Variants in RPIA observed in about 807,000 individuals in gnomAD.
RPIA encodes ribose 5-phosphate isomerase A, also known as ribose-5-phosphate isomerase.
In RPIA, 29 loss-of-function variants were observed where a neutral mutation model predicts 37.8. The observed-to-expected ratio is 0.77, with a 90% CI of 0.57 to 1.05. The LOEUF (loss-of-function observed/expected upper bound fraction) is 1.05. RPIA is among the 50% of genes least tolerant of loss of function. The pLI is 0.00. For missense variants in RPIA, 385 were observed against 413.6 expected, an observed-to-expected ratio of 0.93 and a Z score of 0.60; for synonymous variants, 167 against 157.0, an observed-to-expected ratio of 1.06 and a Z score of -0.48.
chr2:88,747,719 C>A (rs111975180), intron 8 of RPIA, among the ~76,000 whole-genome samples: 1 of 152,168 alleles, frequency 6.6e-6, no homozygotes, highest in Non-Finnish European at 1.5e-5. Context: ...AGATTAAATC[C>A]GTCTCCTGTG....
At chr2:88,699,717 A>G (rs914369532) in intron 2 of RPIA, among the ~76,000 whole-genome samples, 3 of 152,224 alleles carry the variant, frequency 2.0e-5, no homozygotes, top group African/African-American at 7.2e-5. Flanking sequence ...GTTAGGATTA[A>G]GAGTTCATAT....
At chr2:88,708,973 G>T (rs1012028022) in intron 3 of RPIA, among the ~76,000 whole-genome samples, 2 of 152,130 alleles carry the variant, frequency 1.3e-5, no homozygotes, top group Non-Finnish European at 2.9e-5. Context: ...GGCCAGGATG[G>T]TCTCCATCTC....
At chr2:88,746,893 G>A (rs995687429) in intron 8 of RPIA, among the ~76,000 whole-genome samples, 15 of 152,188 alleles carry the variant, frequency 9.9e-5, no homozygotes, top group East Asian at 3.9e-4. Context: ...GGCCTTCAGC[G>A]AGGAGGTGGT....
intron 3 of RPIA, among the ~76,000 whole-genome samples, chr2:88,724,472 A>C (rs1261199697): frequency 6.6e-6 from 1 of 151,840 alleles, no homozygotes; most frequent in Non-Finnish European, 1.5e-5. Flanking sequence ...ACACCTGGCT[A>C]ATTTTTTTGT....
rs1341177740 is a variant in RPIA at position 88,750,894 on chromosome 2, A to G, written c.*816A>G. ...GCGTCAGAAGTCCTTACCTCTTTAT[A>G]TTGTTTGCAGGTTTAAATAAAACAG... On this transcript the variant is annotated 3_prime_UTR_variant, in exon 9 of 9. Transcript: ENST00000283646. 5 of 394,828 alleles carry G rather than the reference A, an allele frequency of 1.3e-5. No individual in the cohort carries two copies. Among genetic ancestry groups the G allele is most frequent in the Non-Finnish European group, 2.2e-5 (5 of 224,324 alleles). 24.5% of individuals were successfully genotyped at this position (394,828 alleles called of 1,614,324 possible).
intron 3 of RPIA, among the ~76,000 whole-genome samples, chr2:88,702,311 C>T (rs1427692183): frequency 6.6e-6 from 1 of 152,206 alleles, no homozygotes; most frequent in East Asian, 1.9e-4. Context: ...CATTTTTCCT[C>T]CCTTTCTAAT....
intron 8 of RPIA, among the ~76,000 whole-genome samples, chr2:88,741,837 G>A (rs942936516): frequency 1.3e-5 from 2 of 152,090 alleles, no homozygotes; most frequent in African/African-American, 4.8e-5. Context: ...TTTTTCATAT[G>A]TTTGTTGGCC....
intron 3 of RPIA, among the ~76,000 whole-genome samples, chr2:88,714,527 A>G (rs1208891362): frequency 6.6e-6 from 1 of 152,106 alleles, no homozygotes; most frequent in South Asian, 2.1e-4. Context: ...AGCTCTCAAG[A>G]TGAGGATTGT....
intron 3 of RPIA, among the ~76,000 whole-genome samples, chr2:88,715,048 G>A (rs776907964): frequency 6.6e-6 from 1 of 152,162 alleles, no homozygotes; most frequent in Non-Finnish European, 1.5e-5. Flanking sequence ...CACACAATAG[G>A]TTCGTCACTT....
intron 1 of RPIA, among the ~76,000 whole-genome samples, chr2:88,696,042 C>CT (rs1243419537): frequency 2.6e-5 from 4 of 151,934 alleles, no homozygotes; most frequent in African/African-American, 9.7e-5. Flanking sequence ...TAGGGGCTGA[C>CT]TTTAAGTATT....
chr2:88,741,222 T>G (rs1271861583), intron 8 of RPIA, among the ~76,000 whole-genome samples: 3 of 152,132 alleles, frequency 2.0e-5, no homozygotes, highest in Non-Finnish European at 2.9e-5. Context: ...TCTCACCCTT[T>G]CCCCTGAGTC....
In RPIA at chr2:88,704,257, G is replaced by T. The variant is rs564742346; in HGVS notation, c.402+4193G>T. Among the ~76,000 whole-genome samples the T allele has an allele frequency of 3.9e-5, 6 of 152,278 alleles. No individual in the cohort carries two copies. The South Asian group carries it at 1.0e-3, about 26-fold the overall frequency. On this transcript the variant is annotated intron_variant, in intron 3 of 8. Transcript: ENST00000283646. ...CTCACTCTGCTGGTACCAACATACTGTGTTAGTCTGTTTTCACGCAGCTGA... is the reference window on the plus strand; with the variant it reads ...CTCACTCTGCTGGTACCAACATACTTTGTTAGTCTGTTTTCACGCAGCTGA...
At chr2:88,738,589 G>T (rs191236083) in intron 8 of RPIA, among the ~76,000 whole-genome samples, 15 of 152,316 alleles carry the variant, frequency 9.8e-5, no homozygotes, top group African/African-American at 3.4e-4. Flanking sequence ...GGAAATCTGT[G>T]TGTGTGTGTA....
intron 3 of RPIA, among the ~76,000 whole-genome samples, chr2:88,715,687 G>C (rs192558843): frequency 1.4e-4 from 22 of 152,312 alleles, no homozygotes; most frequent in African/African-American, 4.8e-4. Context: ...GGGACGTTCT[G>C]TGGTATTTTA....
Position 88,722,478 on chromosome 2 carries a change from A to C in RPIA, c.403-6800A>C, listed in dbSNP as rs576754972. Reference sequence around the variant, plus strand: ...TGATAGTCATTATTTAAAGTTATGAAACTTTCCATTGCAAAATTCGGAGAC... The same window carrying C: ...TGATAGTCATTATTTAAAGTTATGACACTTTCCATTGCAAAATTCGGAGAC... On this transcript the variant is annotated intron_variant, in intron 3 of 8. Coordinates refer to ENST00000283646, the MANE Select transcript of RPIA (RefSeq NM_144563.3). 9.2e-4 allele frequency among the ~76,000 whole-genome samples: 140 copies of C among 152,336 alleles called. 1 individual carries two copies. The highest frequency in any genetic ancestry group is 3.2e-3 in the African/African-American group (134 of 41,574).
At position 88,738,028 on chromosome 2, in the gene RPIA, C is replaced by T. The variant is rs201938367; in HGVS notation, c.790C>T (p.Arg264Trp). 11 of 1,613,886 alleles carry T rather than the reference C, an allele frequency of 6.8e-6. No individual in the cohort carries two copies. The highest frequency in any genetic ancestry group is 1.7e-5 in the Admixed American group (1 of 60,014). The change falls in exon 8 of 9, where the codon CGG becomes TGG. Residue 264 changes from arginine (R) to tryptophan (W), a missense_variant. Around this residue, in one of 2 missense-constraint regions of RPIA, gnomAD observed 153 missense variants for 210.6 expected, o/e 0.73. Transcript: ENST00000283646. ...GNFILDWKFD[R>W]VHKWSEVNTA... is the part of the protein sequence containing the mutation. ...TTTTATCTTGGACTGGAAGTTTGAC[C>T]GGGTACACAAATGGAGTGAAGTGAA...
intron 3 of RPIA, among the ~76,000 whole-genome samples, chr2:88,704,996 G>A (rs957573689): frequency 6.6e-6 from 1 of 152,028 alleles, no homozygotes; most frequent in African/African-American, 2.4e-5. Flanking sequence ...AAAATACCTA[G>A]GAATACAGCT....
chr2:88,735,775 T>G (rs1158170697), intron 6 of RPIA, 38 bp downstream of exon 6: 1 of 1,594,664 alleles, frequency 6.3e-7, no homozygotes, highest in Non-Finnish European at 8.6e-7. Flanking sequence ...ACTGAGGAGG[T>G]AGATTGGATC....
chr2:88,721,496 AAT>A (rs1242708013), intron 3 of RPIA, among the ~76,000 whole-genome samples: 1 of 147,278 alleles, frequency 6.8e-6, no homozygotes, highest in Non-Finnish European at 1.5e-5. Context: ...TATTATAATT[AAT>A]ATATGTTAAT....
Sources: allele counts gnomAD v4.1 joint callset (sites outside exome capture counted in the v4.1 genomes callset), GRCh38; gene constraint gnomAD v4.1.1; regional missense constraint gnomAD v4.1.1; transcripts MANE v1.5; gene names NCBI Gene and HGNC (gene_info 2026-07-23, HGNC 2026-07-21).